Variants in SDK1 observed in about 807,000 individuals in gnomAD.
SDK1 encodes the protein protein sidekick-1.
SDK1 carries 157 observed loss-of-function variants against 245.5 expected under a neutral mutation model. The ratio of observed to expected loss-of-function variants is 0.64; its 90% CI spans 0.56 to 0.73. The LOEUF (loss-of-function observed/expected upper bound fraction) is 0.73. Ranked by LOEUF, SDK1 falls within the 30% of genes least tolerant of loss-of-function variation. The pLI, the probability that SDK1 is intolerant of heterozygous loss-of-function variation, is 0.00. For synonymous variants in SDK1, 1,647 were observed against 1,278.5 expected (o/e 1.29, Z -6.15); for missense variants, 3,583 against 3,002.3 (o/e 1.19, Z -4.52).
chr7:3,456,186 G>A (rs1780659213), intron 1 of SDK1, among the ~76,000 whole-genome samples: 12 of 152,086 alleles, frequency 7.9e-5, no homozygotes, highest in Admixed American at 7.9e-4. Flanking sequence ...AATTTGTCTT[G>A]CTATGTTTTT....
chr7:4,026,459 C>T lies in SDK1; in HGVS notation c.2602+9107C>T, dbSNP rs1489285240. On this transcript the variant is annotated intron_variant, in intron 17 of 44. Coordinates refer to ENST00000404826, the MANE Select transcript of SDK1 (RefSeq NM_152744.4). The surrounding 1 kb of genome is among the most constrained non-coding windows in gnomAD (Gnocchi z 4.1). The stretch of plus-strand genomic sequence containing the variant: ...CTTCAGAGTCAGACGACTGGCTTCA[C>T]GAGGGCCCGGTGTGCAGACAGCCTG... 3.3e-5 allele frequency among the ~76,000 whole-genome samples: 5 copies of T among 152,214 alleles called. No homozygotes were observed. Among genetic ancestry groups the T allele is most frequent in the Non-Finnish European group, 7.3e-5 (5 of 68,044 alleles).
chr7:3,309,837 C>T (rs1779508506), intron 1 of SDK1, among the ~76,000 whole-genome samples: 2 of 152,028 alleles, frequency 1.3e-5, no homozygotes, highest in Non-Finnish European at 2.9e-5. Flanking sequence ...TTTATTTTTG[C>T]CTTGTAGGCA....
intron 1 of SDK1, among the ~76,000 whole-genome samples, chr7:3,601,621 T>A (rs1015142209): frequency 6.6e-6 from 1 of 151,832 alleles, no homozygotes. Flanking sequence ...TGCTAGAGGT[T>A]TATCAGTTTT....
chr7:3,537,141 C>G (rs938641997), intron 1 of SDK1, among the ~76,000 whole-genome samples: 10 of 152,168 alleles, frequency 6.6e-5, no homozygotes, highest in African/African-American at 2.2e-4. Context: ...AGTCCATTCC[C>G]TCTTCGCAGA....
intron 1 of SDK1, among the ~76,000 whole-genome samples, chr7:3,304,661 A>G (rs781460020): frequency 1.3e-5 from 2 of 151,872 alleles, no homozygotes; most frequent in African/African-American, 2.4e-5. Context: ...TAGAGTACCT[A>G]CTCTTCCTCT....
At chr7:3,638,035 G>T (rs76221798) in intron 2 of SDK1, among the ~76,000 whole-genome samples, 4,379 of 152,296 alleles carry the variant, frequency 0.029, 212 homozygotes, top group African/African-American at 0.1. Flanking sequence ...AATTATAAAC[G>T]ATTTTTGATT....
At chr7:3,636,586 C>G (rs370202260) in intron 2 of SDK1, among the ~76,000 whole-genome samples, 2 of 152,194 alleles carry the variant, frequency 1.3e-5, no homozygotes, top group Non-Finnish European at 2.9e-5. Flanking sequence ...TATACACCAC[C>G]TTTTCTTTCG....
intron 25 of SDK1, among the ~76,000 whole-genome samples, chr7:4,118,331 A>T (rs981971882): frequency 6.6e-6 from 1 of 152,254 alleles, no homozygotes; most frequent in Non-Finnish European, 1.5e-5. Context: ...AACATGCTCA[A>T]CATCATTAAC....
chr7:3,883,730 G>T (rs950257450), intron 5 of SDK1, among the ~76,000 whole-genome samples: 3 of 137,890 alleles, frequency 2.2e-5, no homozygotes, highest in Non-Finnish European at 4.6e-5. Context: ...TTGTCTAGCA[G>T]AGGGATCATC....
intron 5 of SDK1, among the ~76,000 whole-genome samples, chr7:3,834,642 C>A (rs545005282): frequency 6.6e-6 from 1 of 152,220 alleles, no homozygotes; most frequent in African/African-American, 2.4e-5. Context: ...ATATCAGTGC[C>A]CCCCAGGAAG....
intron 1 of SDK1, among the ~76,000 whole-genome samples, chr7:3,425,778 A>C (rs1583838643): frequency 6.6e-6 from 1 of 152,150 alleles, no homozygotes; most frequent in East Asian, 1.9e-4. Context: ...TTTTATTGAA[A>C]GTCCTGGAAA....
chr7:3,337,348 C>T (rs995687801), intron 1 of SDK1, among the ~76,000 whole-genome samples: 9 of 151,398 alleles, frequency 5.9e-5, no homozygotes, highest in Non-Finnish European at 1.3e-4. Context: ...TAGAATCTGC[C>T]CAATGTGAAA....
At position 3,378,492 on chromosome 7, in the gene SDK1, CA is replaced by C. The variant is rs1781406903; in HGVS notation, c.298+76609del. On this transcript the variant is annotated intron_variant, in intron 1 of 44. Coordinates refer to ENST00000404826, the MANE Select transcript of SDK1 (RefSeq NM_152744.4). ...CTGCTTACTGTATCAGCCATGTACC[CA>C]GGGGTCAGGAGTGTACACATACACA... 5.3e-5 allele frequency among the ~76,000 whole-genome samples: 8 copies of C among 152,234 alleles called. 1 individual carries two copies. The South Asian group carries it at 1.5e-3, about 28-fold the overall frequency.
At position 4,129,959 on chromosome 7, in the gene SDK1, C is replaced by G. The variant is rs764694117; in HGVS notation, c.3991C>G (p.Arg1331Gly). 1 of 1,613,840 alleles carries G rather than the reference C, an allele frequency of 6.2e-7. No individual in the cohort carries two copies. The highest frequency in any genetic ancestry group is 8.5e-7 in the Non-Finnish European group (1 of 1,179,954). Residue 1331 changes from arginine (R) to glycine (G), a missense_variant, in exon 27 of 45, where the codon CGA becomes GGA. Physicochemically the swap from Arg to Gly is moderately radical, Grantham distance 125. Coordinates refer to ENST00000404826, the MANE Select transcript of SDK1 (RefSeq NM_152744.4). Reference sequence around the variant, plus strand: ...TCCCGAGCCCAGGAGCCACATCGTGCGAGGGAACCACACGCAGTCGGCCCT... The same window carrying G: ...TCCCGAGCCCAGGAGCCACATCGTGGGAGGGAACCACACGCAGTCGGCCCT... ...LDPEPRSHIV[R>G]GNHTQSALLA...
intron 1 of SDK1, among the ~76,000 whole-genome samples, chr7:3,602,723 T>G (rs1442295679): frequency 6.6e-6 from 1 of 152,152 alleles, no homozygotes; most frequent in Non-Finnish European, 1.5e-5. Flanking sequence ...GCCATTGCTT[T>G]TGGTGTTTTA....
chr7:4,169,549 C>G (rs1008580705), intron 32 of SDK1, among the ~76,000 whole-genome samples: 71 of 152,318 alleles, frequency 4.7e-4, no homozygotes, highest in African/African-American at 1.7e-3. Context: ...GCAGTGAGCT[C>G]GCCGTCTCTG....
intron 43 of SDK1, among the ~76,000 whole-genome samples, chr7:4,243,397 T>C (rs2128238691): frequency 6.6e-6 from 1 of 152,312 alleles, no homozygotes; most frequent in East Asian, 1.9e-4. Context: ...TTTTCAGTCC[T>C]AGCAATAGGA....
chr7:3,716,568 TG>T (rs1785207030), intron 4 of SDK1, among the ~76,000 whole-genome samples: 1 of 152,006 alleles, frequency 6.6e-6, no homozygotes, highest in African/African-American at 2.4e-5. Context: ...GAGGCCAGCC[TG>T]GGCAAGGTAG....
intron 1 of SDK1, among the ~76,000 whole-genome samples, chr7:3,350,094 A>T (rs1780618559): frequency 6.6e-6 from 1 of 152,182 alleles, no homozygotes; most frequent in Admixed American, 6.5e-5. Flanking sequence ...TGGGTGGGTA[A>T]GGTACCTACT....
Sources: gnomAD v4.1 joint callset for allele counts (sites outside exome capture counted in the v4.1 genomes callset) on GRCh38, gnomAD v4.1.1 for gene constraint, Gnocchi (gnomAD v3.1) non-coding constraint, MANE v1.5 for transcripts, NCBI Gene and HGNC (gene_info 2026-07-23, HGNC 2026-07-21) for gene names.